CCNB3: variants seen among roughly 807,000 people sequenced by gnomAD.
CCNB3 encodes the protein cyclin B3, also known as G2/mitotic-specific cyclin-B3.
Under a neutral mutation model 68.0 loss-of-function variants are expected in CCNB3, and 12 were observed. The observed-to-expected ratio is 0.18, with a 90% CI of 0.11 to 0.29. The LOEUF (loss-of-function observed/expected upper bound fraction) is 0.29, where lower values mean the gene tolerates loss of function less well. CCNB3 is among the 10% of genes least tolerant of loss of function. CCNB3 has a pLI of 1.00. For synonymous variants in CCNB3, 354 were observed against 388.9 expected (o/e 0.91, Z 1.06); for missense variants, 904 against 993.1 (o/e 0.91, Z 1.21).
intron 5 of CCNB3, among the ~76,000 whole-genome samples, chrX:50,297,247 G>A (rs1333373447): frequency 9.0e-6 from 1 of 111,688 alleles, no homozygotes; most frequent in Non-Finnish European, 1.9e-5. Flanking sequence ...TTCTTCTAGG[G>A]TTTTTATGGT....
intron 5 of CCNB3, among the ~76,000 whole-genome samples, chrX:50,295,697 TCTTTTCA>T (rs1936442547): frequency 9.0e-6 from 1 of 111,588 alleles, no homozygotes; most frequent in African/African-American, 3.3e-5. Flanking sequence ...TAACACAGCA[TCTTTTCA>T]GTTATTTGCT....
chrX:50,333,351 A>G (rs891198862), intron 8 of CCNB3, among the ~76,000 whole-genome samples: 9 of 111,680 alleles, frequency 8.1e-5, no homozygotes, highest in African/African-American at 2.9e-4. Flanking sequence ...GCAAGTACCT[A>G]TTACCTCCAC....
intron 5 of CCNB3, among the ~76,000 whole-genome samples, chrX:50,302,554 A>T (rs782197142): frequency 5.4e-5 from 6 of 111,805 alleles, no homozygotes; most frequent in Middle Eastern, 4.6e-3. Context: ...CAGCCATGAC[A>T]ATCAATTTTA....
Position 50,226,271 on chromosome X carries a change from AT to A in CCNB3, c.-113+21322del, listed in dbSNP as rs1241948626. On this transcript the variant is annotated intron_variant, in intron 1 of 12. Coordinates refer to ENST00000376042, the MANE Select transcript of CCNB3 (RefSeq NM_033031.3). ...GAATATATATATTTATATATATAGA[AT>A]ATATATATTTATATATATAGAATAT... is the stretch of plus-strand genomic sequence containing the variant. Among the ~76,000 whole-genome samples, 146 of 66,223 alleles carry A rather than the reference AT, an allele frequency of 2.2e-3. 2 individuals carry two copies. The highest frequency in any genetic ancestry group is 9.7e-3 in the African/African-American group (143 of 14,791). The allele number at this position is 66,223 out of a possible 115,157, so 57.5% of individuals were successfully genotyped here. A position where few individuals can be genotyped will look rare whatever the true frequency, so the allele number is the denominator to read the frequency against.
At chrX:50,304,738 T>C (rs782091917) in intron 5 of CCNB3, among the ~76,000 whole-genome samples, 1 of 110,786 alleles carries the variant, frequency 9.0e-6, no homozygotes, top group East Asian at 2.8e-4. Flanking sequence ...TGGGAGAAAA[T>C]TTTTGCAATC....
In CCNB3 at chrX:50,311,578, T is replaced by TTG. The variant is rs1557215047; in HGVS notation, c.3327+83_3327+84insGT. The TTG allele has an allele frequency of 5.2e-6, 4 of 769,786 alleles. No individual in the cohort carries two copies. The African/African-American group carries it at 8.7e-5, about 17-fold the overall frequency. 63.4% of individuals were successfully genotyped at this position (769,786 alleles called of 1,213,427 possible). On this transcript the variant is annotated intron_variant, in intron 6 of 12. Transcript: ENST00000376042. Reference sequence around the variant, plus strand: ...TGGCTGCTAGCAAAGTTGTTTTTTTTTTTTTGTTTTTGTTTTTTGTTGTTG... The same window carrying TTG: ...TGGCTGCTAGCAAAGTTGTTTTTTTTTGTTTTTGTTTTTGTTTTTTGTTGTTG...
chrX:50,205,654 C>G (rs1201952267), intron 1 of CCNB3, among the ~76,000 whole-genome samples: 1 of 109,988 alleles, frequency 9.1e-6, no homozygotes, highest in African/African-American at 3.3e-5. Flanking sequence ...ACTCTTGTCT[C>G]AAAAGAAAAA....
intron 5 of CCNB3, among the ~76,000 whole-genome samples, chrX:50,297,677 G>A (rs1936506533): frequency 8.9e-6 from 1 of 111,853 alleles, no homozygotes; most frequent in Non-Finnish European, 1.9e-5. Context: ...GAAAGTCATT[G>A]GTAGCTTGAT....
chrX:50,321,028 T>C (rs1921988426), intron 8 of CCNB3, among the ~76,000 whole-genome samples: 1 of 111,443 alleles, frequency 9.0e-6, no homozygotes, highest in African/African-American at 3.3e-5. Flanking sequence ...AATAACCCTG[T>C]AGTGAATATA....
intron 1 of CCNB3, among the ~76,000 whole-genome samples, chrX:50,280,154 A>G (rs1178287053): frequency 3.2e-5 from 3 of 93,805 alleles, no homozygotes; most frequent in African/African-American, 3.9e-5. Flanking sequence ...TATATAGAAT[A>G]TATATAAATA....
chrX:50,292,126 C>T (rs781981323), intron 4 of CCNB3, among the ~76,000 whole-genome samples: 14 of 111,245 alleles, frequency 1.3e-4, no homozygotes, highest in African/African-American at 4.2e-4. Context: ...TCTTATATAA[C>T]CACAATATAC....
chrX:50,307,968 G>A lies in CCNB3; in HGVS notation c.336-537G>A, dbSNP rs1344446611. 2.7e-5 allele frequency among the ~76,000 whole-genome samples: 3 copies of A among 112,119 alleles called. No individual in the cohort carries two copies. In the East Asian group the frequency reaches 8.4e-4, roughly 32 times the overall value. On this transcript the variant is annotated intron_variant, in intron 5 of 12. Coordinates refer to ENST00000376042, the MANE Select transcript of CCNB3 (RefSeq NM_033031.3). Reference sequence around the variant, plus strand: ...AAACAAAGCTTTGCATCTGGCACATGTGACAAGTTTCTATTTTGAGCTTTT... The same window carrying A: ...AAACAAAGCTTTGCATCTGGCACATATGACAAGTTTCTATTTTGAGCTTTT...
At chrX:50,302,858 C>T (rs1767531626) in intron 5 of CCNB3, among the ~76,000 whole-genome samples, 4 of 112,033 alleles carry the variant, frequency 3.6e-5, no homozygotes, top group East Asian at 2.8e-4. Flanking sequence ...ACCCATCTAT[C>T]AGTTGATAGA....
rs1935821187 is a variant in CCNB3, at chrX:50,226,597, TA to T, written c.-113+21648del. Reference sequence around the variant, plus strand: ...TATAGAATACATACAAATATATATATAGAATATATCTATAAATATATATATA... The same window carrying T: ...TATAGAATACATACAAATATATATATGAATATATCTATAAATATATATATA... On this transcript the variant is annotated intron_variant, in intron 1 of 12. Coordinates refer to ENST00000376042, the MANE Select transcript of CCNB3 (RefSeq NM_033031.3). 1.9e-3 allele frequency among the ~76,000 whole-genome samples: 145 copies of T among 77,039 alleles called. 2 individuals are homozygous for T. The highest frequency in any genetic ancestry group is 7.2e-3 in the African/African-American group (141 of 19,512). 66.9% of individuals were successfully genotyped at this position (77,039 alleles called of 115,157 possible). A position where few individuals can be genotyped will look rare whatever the true frequency, so the allele number is the denominator to read the frequency against.
At position 50,306,898 on chromosome X, in the gene CCNB3, A is replaced by G. The variant is rs781907890; in HGVS notation, c.336-1607A>G. 1.0e-3 allele frequency among the ~76,000 whole-genome samples: 116 copies of G among 111,736 alleles called. 1 individual carries two copies. Among genetic ancestry groups the G allele is most frequent in the African/African-American group, 3.5e-3 (107 of 30,802 alleles). On this transcript the variant is annotated intron_variant, in intron 5 of 12. Transcript: ENST00000376042. ...TATTTGGCTGAGGATTTTTGCATCT[A>G]TATTCATAAGAGGTATTGGTCTGTA...
chrX:50,283,825 C>G (rs1027248128), intron 1 of CCNB3, among the ~76,000 whole-genome samples: 3 of 110,393 alleles, frequency 2.7e-5, no homozygotes, highest in African/African-American at 9.8e-5. Context: ...GTGAAGCCTT[C>G]CTCCAGCCCC....
chrX:50,284,984 C>T, intron 2 of CCNB3, 143 bp from the exon 3 acceptor site: 3 of 425,654 alleles, frequency 7.0e-6, no homozygotes, highest in Non-Finnish European at 1.2e-5. Context: ...GTGATAAAAC[C>T]AAGATTTGAA....
intron 1 of CCNB3, among the ~76,000 whole-genome samples, chrX:50,222,194 A>C (rs1395568173): frequency 9.0e-6 from 1 of 111,385 alleles, no homozygotes; most frequent in African/African-American, 3.3e-5. Flanking sequence ...AATACAGCAC[A>C]CCGATGGGTC....
intron 1 of CCNB3, among the ~76,000 whole-genome samples, chrX:50,217,123 T>G (rs1317613002): frequency 9.0e-6 from 1 of 110,855 alleles, no homozygotes; most frequent in East Asian, 2.8e-4. Context: ...TCTATTGTTC[T>G]TTCTTCCTGA....
Sources: allele counts gnomAD v4.1 joint callset (sites outside exome capture counted in the v4.1 genomes callset), GRCh38; gene constraint gnomAD v4.1.1; transcripts MANE v1.5; gene names NCBI Gene and HGNC (gene_info 2026-07-23, HGNC 2026-07-21).